Variants in GLIS3 observed in about 807,000 individuals in gnomAD.
The protein encoded by GLIS3 is zinc finger protein GLIS3.
A neutral mutation model predicts 78.6 loss-of-function variants in GLIS3; 53 were observed. That is an observed-to-expected ratio of 0.67 (90% CI 0.54 to 0.85). GLIS3 has a LOEUF of 0.85. Ranked by LOEUF, GLIS3 falls within the 40% of genes least tolerant of loss-of-function variation. The pLI, the probability that GLIS3 is intolerant of heterozygous loss-of-function variation, is 0.00. For missense variants in GLIS3, 1,703 were observed against 1,231.1 expected (o/e 1.38, Z -5.74); for synonymous variants, 684 against 509.9 (o/e 1.34, Z -4.60).
chr9:4,045,419 T>A (rs1825165760), intron 4 of GLIS3, among the ~76,000 whole-genome samples: 2 of 151,938 alleles, frequency 1.3e-5, no homozygotes, highest in African/African-American at 4.8e-5. Flanking sequence ...CACTGCATCC[T>A]CCACCTCCCA....
intron 2 of GLIS3, among the ~76,000 whole-genome samples, chr9:4,134,243 T>C (rs1204356900): frequency 6.6e-6 from 1 of 152,222 alleles, no homozygotes; most frequent in Non-Finnish European, 1.5e-5. Flanking sequence ...ATTGAAGTTT[T>C]TGCAACTTTG....
rs375690064 is a variant in GLIS3, at chr9:4,345,956, C to T, written n.264+1125G>A. ...AAATTCAAAAAGAATATTCAATATT[C>T]AAAAAGAACAAATAAAATACAGTTC... is the stretch of plus-strand genomic sequence containing the variant. On this transcript the variant is annotated intron_variant and non_coding_transcript_variant, in intron 2 of 4. Transcript: ENST00000471664. 3.6e-4 allele frequency among the ~76,000 whole-genome samples: 55 copies of T among 151,984 alleles called. 1 individual carries two copies. Among genetic ancestry groups the T allele is most frequent in the African/African-American group, 1.3e-3 (53 of 41,382 alleles).
chr9:4,288,936 C>T (rs141937029), intron 1 of GLIS3, among the ~76,000 whole-genome samples: 12 of 152,208 alleles, frequency 7.9e-5, no homozygotes, highest in African/African-American at 1.9e-4. Context: ...ATTACGCCAA[C>T]AGATTTCTCA....
chr9:4,279,074 G>A (rs1827282650), intron 2 of GLIS3, among the ~76,000 whole-genome samples: 1 of 152,050 alleles, frequency 6.6e-6, no homozygotes, highest in South Asian at 2.1e-4. Flanking sequence ...GGCTGAGGCA[G>A]GTGGATCATG....
chr9:4,039,789 C>T (rs1194785847), intron 4 of GLIS3, among the ~76,000 whole-genome samples: 2 of 152,210 alleles, frequency 1.3e-5, no homozygotes, highest in East Asian at 3.8e-4. Context: ...TCAATGACTA[C>T]TACAGTATAA....
rs560316000 is a variant in GLIS3, at chr9:4,118,143, G to A, written c.1335C>T (p.Pro445=). 3.3e-5 allele frequency: 51 copies of A among 1,548,936 alleles called. No individual in the cohort carries two copies. The South Asian group carries it at 4.8e-4, about 15-fold the overall frequency. The part of the protein sequence containing the change: ...EFPGSTVDLP[P]APPLPPLPPP... ...GCGGCAGAGGAGGGAGCGGAGGCGC[G>A]GGGGGTAGGTCTACGGTGCTGCCCG... is the stretch of plus-strand genomic sequence containing the variant. Residue 445 remains proline, a synonymous_variant, in exon 4 of 11, where the codon CCC becomes CCT. Coordinates refer to ENST00000381971, the MANE Select transcript of GLIS3 (RefSeq NM_001042413.2). The surrounding 1 kb of genome is among the most constrained non-coding windows in gnomAD (Gnocchi z 4.7).
chr9:3,988,211 T>TA (rs563282826), intron 4 of GLIS3, among the ~76,000 whole-genome samples: 104 of 151,292 alleles, frequency 6.9e-4, no homozygotes, highest in Middle Eastern at 3.4e-3. Context: ...AATAAAAAAA[T>TA]AAAAAAACAT....
intron 2 of GLIS3, among the ~76,000 whole-genome samples, chr9:4,155,708 G>T (rs1159948827): frequency 6.6e-6 from 1 of 152,176 alleles, no homozygotes; most frequent in Non-Finnish European, 1.5e-5. Flanking sequence ...CAGGCCCACA[G>T]TTCTCCACTT....
rs1397311767 is a variant in GLIS3 at position 4,010,459 on chromosome 9, C to G, written c.1711-73270G>C. On this transcript the variant is annotated intron_variant, in intron 4 of 10. Coordinates refer to ENST00000381971, the MANE Select transcript of GLIS3 (RefSeq NM_001042413.2). The stretch of plus-strand genomic sequence containing the variant: ...CAGGAATACTCCATATCTCCAAGTC[C>G]CTTACTGCAGGGCTCCAGGTTATGG... 3.9e-5 allele frequency among the ~76,000 whole-genome samples: 6 copies of G among 152,212 alleles called. No individual in the cohort carries two copies. The East Asian group carries it at 7.7e-4, about 20-fold the overall frequency.
intron 7 of GLIS3, chr9:3,898,214 C>T (rs1823000826): frequency 4.4e-6 from 1 of 225,528 alleles, no homozygotes; most frequent in Non-Finnish European, 8.9e-6. Flanking sequence ...CATCCCATCT[C>T]CTTTCCCACA....
At chr9:4,245,918 G>T (rs1587128725) in intron 2 of GLIS3, among the ~76,000 whole-genome samples, 1 of 151,936 alleles carries the variant, frequency 6.6e-6, no homozygotes, top group African/African-American at 2.4e-5. Flanking sequence ...ATTTCCTCCG[G>T]TATTTATTTT....
At chr9:4,334,330 A>G (rs540622038) in intron 2 of GLIS3, among the ~76,000 whole-genome samples, 2 of 152,320 alleles carry the variant, frequency 1.3e-5, no homozygotes, top group East Asian at 3.9e-4. Flanking sequence ...TCTCAAAACA[A>G]GCAACAATTA....
intron 2 of GLIS3, among the ~76,000 whole-genome samples, chr9:4,166,867 C>T (rs910505518): frequency 5.9e-5 from 9 of 152,182 alleles, no homozygotes; most frequent in Non-Finnish European, 5.9e-5. Flanking sequence ...CCTCCTCTTT[C>T]CTCTTCCATT....
At chr9:4,199,090 T>C (rs997578825) in intron 2 of GLIS3, among the ~76,000 whole-genome samples, 2 of 152,166 alleles carry the variant, frequency 1.3e-5, no homozygotes, top group Non-Finnish European at 1.5e-5. Flanking sequence ...GAAAGAACTA[T>C]ACCTGTTACC....
intron 2 of GLIS3, among the ~76,000 whole-genome samples, chr9:4,192,818 AAAAG>A (rs1351250445): frequency 4.6e-5 from 7 of 152,082 alleles, no homozygotes; most frequent in East Asian, 1.9e-4. Context: ...TAAAAAAAAA[AAAAG>A]AAGAAGAAGA....
chr9:4,358,834 T>A, the GLIS3 span, among the ~76,000 whole-genome samples: 1 of 152,190 alleles, frequency 6.6e-6, no homozygotes, highest in African/African-American at 2.4e-5. Context: ...CCCTGTAAGA[T>A]GTAAAATCTT....
intron 2 of GLIS3, among the ~76,000 whole-genome samples, chr9:4,157,532 A>G (rs151283620): frequency 8.5e-5 from 13 of 152,338 alleles, no homozygotes; most frequent in African/African-American, 3.1e-4. Context: ...ACGATCTATC[A>G]TTCAATGAAA....
At chr9:4,072,303 C>T (rs942499014) in intron 4 of GLIS3, among the ~76,000 whole-genome samples, 4 of 152,126 alleles carry the variant, frequency 2.6e-5, no homozygotes, top group African/African-American at 4.8e-5. Context: ...GGGCTCTCTA[C>T]GCCATTCACA....
chr9:4,298,943 G>A (rs1017454934), intron 1 of GLIS3, among the ~76,000 whole-genome samples: 27 of 152,260 alleles, frequency 1.8e-4, no homozygotes, highest in African/African-American at 6.5e-4. Flanking sequence ...CTACAGCCCC[G>A]CGTGTGCGCG....
Sources: gnomAD v4.1 joint callset for allele counts (sites outside exome capture counted in the v4.1 genomes callset) on GRCh38, gnomAD v4.1.1 for gene constraint, Gnocchi (gnomAD v3.1) non-coding constraint, MANE v1.5 for transcripts, NCBI Gene and HGNC (gene_info 2026-07-23, HGNC 2026-07-21) for gene names.